SHISA9: variants seen among roughly 807,000 people sequenced by gnomAD.
SHISA9 encodes the protein shisa family member 9.
In SHISA9, 13 loss-of-function variants were observed where a neutral mutation model predicts 38.0. That is an observed-to-expected ratio of 0.34 (90% CI 0.22 to 0.54). The LOEUF is 0.54. SHISA9 is among the 20% of genes least tolerant of loss of function. The pLI, the probability that SHISA9 is intolerant of heterozygous loss-of-function variation, is 0.91. For missense variants in SHISA9, 538 were observed against 575.8 expected (o/e 0.93, Z 0.67); for synonymous variants, 275 against 242.0 (o/e 1.14, Z -1.27).
intron 1 of SHISA9, chr16:12,908,772 G>T (rs960854010): frequency 1.4e-5 from 19 of 1,392,634 alleles, no homozygotes; most frequent in Non-Finnish European, 1.8e-5. Flanking sequence ...AGGCCCAGAC[G>T]TCTTGGTGGA....
At chr16:13,336,795 T>C in the SHISA9 span, among the ~76,000 whole-genome samples, 1 of 152,278 alleles carries the variant, frequency 6.6e-6, no homozygotes, top group African/African-American at 2.4e-5. Context: ...CCTGGTTCTC[T>C]AGGCACAGCT....
At chr16:12,998,118 C>A (rs1391737385) in intron 2 of SHISA9, among the ~76,000 whole-genome samples, 1 of 152,106 alleles carries the variant, frequency 6.6e-6, no homozygotes, top group Non-Finnish European at 1.5e-5. Context: ...ATGTATCCTG[C>A]CACCCAAATA....
At chr16:13,344,111 A>G in the SHISA9 span, among the ~76,000 whole-genome samples, 3 of 152,160 alleles carry the variant, frequency 2.0e-5, no homozygotes, top group African/African-American at 7.2e-5. Flanking sequence ...TTCATCACCA[A>G]TGTATACTAC....
the SHISA9 span, among the ~76,000 whole-genome samples, chr16:13,379,846 G>A: frequency 4.0e-5 from 6 of 151,834 alleles, no homozygotes; most frequent in African/African-American, 1.2e-4. Context: ...TTAAAATACC[G>A]CCTTAATTAA....
chr16:13,293,249 AAC>A, the SHISA9 span, among the ~76,000 whole-genome samples: 2 of 152,036 alleles, frequency 1.3e-5, no homozygotes, highest in African/African-American at 4.8e-5. Flanking sequence ...CACGCGCGCA[AAC>A]ACACACACAC....
chr16:13,270,301 A>G, the SHISA9 span, among the ~76,000 whole-genome samples: 5 of 152,170 alleles, frequency 3.3e-5, no homozygotes, highest in Non-Finnish European at 5.9e-5. Context: ...CAACAAGAGC[A>G]GGAGTTGGGG....
chr16:12,974,671 C>G lies in SHISA9; in HGVS notation c.691+57856C>G, dbSNP rs768766899. 2.6e-5 allele frequency among the ~76,000 whole-genome samples: 4 copies of G among 151,464 alleles called. No homozygotes were observed. The East Asian group carries it at 7.8e-4, about 29-fold the overall frequency. The stretch of plus-strand genomic sequence containing the variant: ...CAGCTAATTTTTATTATTAGTAGAG[C>G]GGGGTTTTGCCATGTTGACCAGGCT... On this transcript the variant is annotated intron_variant, in intron 2 of 4. Coordinates refer to ENST00000558583, the MANE Select transcript of SHISA9 (RefSeq NM_001145204.3).
chr16:13,379,103 C>G, the SHISA9 span, among the ~76,000 whole-genome samples: 1 of 152,314 alleles, frequency 6.6e-6, no homozygotes, highest in South Asian at 2.1e-4. Context: ...TACCTCCATC[C>G]TTACTCTCCC....
chr16:12,966,480 C>T (rs527448174), intron 2 of SHISA9, among the ~76,000 whole-genome samples: 1 of 152,232 alleles, frequency 6.6e-6, no homozygotes, highest in East Asian at 1.9e-4. Context: ...GTCTCGAACT[C>T]CTGGGATCAA....
intron 2 of SHISA9, among the ~76,000 whole-genome samples, chr16:13,127,802 A>G (rs963676640): frequency 6.6e-6 from 1 of 152,142 alleles, no homozygotes; most frequent in Admixed American, 6.5e-5. Flanking sequence ...CCATAAAATC[A>G]CAGTGAAAGA....
At chr16:13,196,217 G>A (rs1270380177) in intron 2 of SHISA9, among the ~76,000 whole-genome samples, 1 of 149,530 alleles carries the variant, frequency 6.7e-6, no homozygotes, top group Non-Finnish European at 1.5e-5. Context: ...CTAAGACGGT[G>A]AAACCCCGTC....
the SHISA9 span, among the ~76,000 whole-genome samples, chr16:13,459,918 A>AT: frequency 0.013 from 1,998 of 152,110 alleles, 33 homozygotes; most frequent in African/African-American, 0.042. Context: ...GATTATGAAT[A>AT]TTTTTTTAAC....
At chr16:13,561,294 T>G in the SHISA9 span, among the ~76,000 whole-genome samples, 1 of 152,186 alleles carries the variant, frequency 6.6e-6, no homozygotes. Flanking sequence ...TTTGAGAGAA[T>G]CAGTGGTCTC....
At chr16:13,513,600 T>C in the SHISA9 span, among the ~76,000 whole-genome samples, 1 of 152,180 alleles carries the variant, frequency 6.6e-6, no homozygotes, top group Non-Finnish European at 1.5e-5. Context: ...TGCCCATCAG[T>C]GATAGACTGG....
chr16:13,015,890 C>CTTTCTTTCTTTCTTTCTTTCTTTCTT (rs1555454828), intron 2 of SHISA9, among the ~76,000 whole-genome samples: 4,735 of 116,982 alleles, frequency 0.04, 184 homozygotes, highest in Non-Finnish European at 0.064. Flanking sequence ...TTCTTTCTTT[C>CTTTCTTTCTTTCTTTCTTTCTTTCTT]TTTCTTTCTT....
the SHISA9 span, among the ~76,000 whole-genome samples, chr16:13,522,049 C>T: frequency 3.3e-5 from 5 of 152,166 alleles, no homozygotes; most frequent in Admixed American, 6.5e-5. Flanking sequence ...ACTTGACAGG[C>T]GCTTCCCGGG....
chr16:13,523,535 G>A, the SHISA9 span, among the ~76,000 whole-genome samples: 2 of 152,068 alleles, frequency 1.3e-5, no homozygotes, highest in South Asian at 4.2e-4. Flanking sequence ...CTGCTTCTGG[G>A]GAGGCCTCAG....
intron 4 of SHISA9, among the ~76,000 whole-genome samples, chr16:13,218,264 C>A (rs1251997907): frequency 1.3e-5 from 2 of 152,080 alleles, no homozygotes; most frequent in East Asian, 1.9e-4. Flanking sequence ...CCCACTCACT[C>A]CTAAGGAATT....
intron 2 of SHISA9, among the ~76,000 whole-genome samples, chr16:12,921,583 G>A (rs2071329358): frequency 1.3e-5 from 2 of 152,240 alleles, no homozygotes; most frequent in South Asian, 4.2e-4. Context: ...GCAATAAGAT[G>A]AGACCCTGTC....
Sources: allele counts gnomAD v4.1 joint callset (sites outside exome capture counted in the v4.1 genomes callset), GRCh38; gene constraint gnomAD v4.1.1; transcripts MANE v1.5; gene names NCBI Gene and HGNC (gene_info 2026-07-23, HGNC 2026-07-21).